The following CHST15 variants were observed in gnomAD, a reference collection of about 807,000 sequenced individuals.
The protein encoded by CHST15 is carbohydrate sulfotransferase 15, also known as B cell RAG associated protein (GALNAC4S-6ST).
Under a neutral mutation model 53.6 loss-of-function variants are expected in CHST15, and 30 were observed. The ratio of observed to expected loss-of-function variants is 0.56; its 90% CI spans 0.42 to 0.76. The LOEUF (loss-of-function observed/expected upper bound fraction) is 0.76, where lower values mean the gene tolerates loss of function less well. Ranked by LOEUF, CHST15 falls within the 30% of genes least tolerant of loss-of-function variation. The probability of loss-of-function intolerance (pLI) is 0.00; values close to 1 mark genes in which losing one functional copy is unlikely to be tolerated. For synonymous variants in CHST15, 296 were observed against 289.8 expected, an observed-to-expected ratio of 1.02 and a Z score of -0.22; for missense variants, 627 against 740.5, an observed-to-expected ratio of 0.85 and a Z score of 1.78.
intron 6 of CHST15, chr10:124,020,633 G>A: frequency 2.0e-6 from 2 of 988,510 alleles, no homozygotes; most frequent in Non-Finnish European, 2.4e-6. Context: ...CAGCGGCAAT[G>A]CTCGCTGCAT....
At chr10:124,035,823 A>T (rs1947474953) in intron 5 of CHST15, among the ~76,000 whole-genome samples, 1 of 152,116 alleles carries the variant, frequency 6.6e-6, no homozygotes, top group Admixed American at 6.5e-5. Context: ...TTCCTTCTGG[A>T]TCTCCCCACT....
chr10:124,082,119 A>G (rs138295787), intron 1 of CHST15, among the ~76,000 whole-genome samples: 3 of 152,258 alleles, frequency 2.0e-5, no homozygotes, highest in African/African-American at 7.2e-5. Flanking sequence ...GATGGGTGAA[A>G]GGAAAACAGG....
chr10:124,056,922 C>T (rs1218377833), intron 1 of CHST15, among the ~76,000 whole-genome samples: 2 of 151,148 alleles, frequency 1.3e-5, no homozygotes, highest in East Asian at 1.9e-4. Context: ...AGCCTGGGCC[C>T]GTACGACCGG....
At position 124,042,360 on chromosome 10, in the gene CHST15, T is replaced by C; in HGVS notation, c.974A>G (p.His325Arg). ...TGCAGAGCTGGCCTGCAGTCCTTGATGGATCTGGTGTGCGGCCAGGTCAAA... is the reference window on the plus strand; with the variant it reads ...TGCAGAGCTGGCCTGCAGTCCTTGACGGATCTGGTGTGCGGCCAGGTCAAA... ...DLFDLAAHQI[H>R]QGLQASSAKE... The change falls in exon 4 of 8, where the codon CAT becomes CGT. Residue 325 changes from histidine to arginine, a missense_variant. By Grantham distance (29) the His-to-Arg change is conservative. Coordinates refer to ENST00000435907, the MANE Select transcript of CHST15 (RefSeq NM_001270764.2). 6.2e-7 allele frequency: 1 copy of C among 1,614,234 alleles called. No individual in the cohort carries two copies. Among genetic ancestry groups the C allele is most frequent in the South Asian group, 1.1e-5 (1 of 91,084 alleles).
intron 1 of CHST15, among the ~76,000 whole-genome samples, chr10:124,077,777 G>A (rs977310895): frequency 1.3e-5 from 2 of 152,146 alleles, no homozygotes; most frequent in Non-Finnish European, 2.9e-5. Context: ...CCATGAGGCC[G>A]AGCCTGAGCA....
In CHST15 at chr10:124,056,943, G is replaced by A. The variant is rs920834458; in HGVS notation, c.-512-10219C>T. ...GGCCCGTACGACCGGACACTCTGAG[G>A]CCCAGGCCTGTACGACCGGACACAC... On this transcript the variant is annotated intron_variant, in intron 1 of 7. Coordinates refer to ENST00000435907, the MANE Select transcript of CHST15 (RefSeq NM_001270764.2). 2.6e-5 allele frequency among the ~76,000 whole-genome samples: 4 copies of A among 151,678 alleles called. No homozygotes were observed. The South Asian group carries it at 6.2e-4, about 24-fold the overall frequency.
Position 124,021,236 on chromosome 10 carries a change from CGGGGGG to C in CHST15, c.1347+14_1347+19del. The C allele has an allele frequency of 7.8e-7, 1 of 1,286,750 alleles. No individual in the cohort carries two copies. The highest frequency in any genetic ancestry group is 1.1e-6 in the Non-Finnish European group (1 of 950,080). 79.7% of individuals were successfully genotyped at this position (1,286,750 alleles called of 1,614,324 possible). A position where few individuals can be genotyped will look rare whatever the true frequency, so the allele number is the denominator to read the frequency against. Reference sequence around the variant, plus strand: ...CTGCCAGGGGCCAGCTCGGGGGGTACGGGGGGGGGGGGTACACACAGGCATGGCGTT... The same window carrying C: ...CTGCCAGGGGCCAGCTCGGGGGGTACGGGGGGTACACACAGGCATGGCGTT... On this transcript the variant is annotated intron_variant, in intron 6 of 7. Transcript: ENST00000435907.
intron 1 of CHST15, among the ~76,000 whole-genome samples, chr10:124,053,249 G>A (rs79272731): frequency 0.034 from 5,231 of 152,246 alleles, 285 homozygotes; most frequent in African/African-American, 0.12. Context: ...CCACCCTTCG[G>A]TTTGAGTTGG....
intron 1 of CHST15, among the ~76,000 whole-genome samples, chr10:124,053,278 C>T (rs1030816252): frequency 6.6e-6 from 1 of 152,136 alleles, no homozygotes; most frequent in African/African-American, 2.4e-5. Flanking sequence ...CTTTGGCCAG[C>T]AGAATGAGGC....
chr10:124,081,614 A>T (rs997806959), intron 1 of CHST15, among the ~76,000 whole-genome samples: 3 of 152,334 alleles, frequency 2.0e-5, no homozygotes, highest in African/African-American at 7.2e-5. Context: ...ATCCATAAGG[A>T]TTTTAACAGA....
At position 124,009,990 on chromosome 10, in the gene CHST15, G is replaced by A. The variant is rs1343690752; in HGVS notation, c.*159C>T. ...CCATTGCTGAGCTCTCGAACATCAC[G>A]AAGGAAATTCCAAAATGGTTATAAT... On this transcript the variant is annotated 3_prime_UTR_variant, in exon 8 of 8. Transcript: ENST00000435907. The A allele has an allele frequency of 2.0e-6, 3 of 1,472,980 alleles. No homozygotes were observed. The highest frequency in any genetic ancestry group is 1.4e-5 in the African/African-American group (1 of 70,938). The allele number at this position is 1,472,980 out of a possible 1,614,324, so 91.2% of individuals were successfully genotyped here.
At chr10:124,027,939 C>A (rs537543653) in intron 5 of CHST15, among the ~76,000 whole-genome samples, 1 of 152,354 alleles carries the variant, frequency 6.6e-6, no homozygotes, top group South Asian at 2.1e-4. Flanking sequence ...TGCTGGCCGT[C>A]TGCACTGATA....
intron 5 of CHST15, among the ~76,000 whole-genome samples, chr10:124,032,639 G>A (rs1947266983): frequency 6.6e-6 from 1 of 152,138 alleles, no homozygotes; most frequent in South Asian, 2.1e-4. Flanking sequence ...CTTGCAATTG[G>A]TGGCTTCTTT....
chr10:124,011,296 A>G (rs1201062174), intron 7 of CHST15: 9 of 800,040 alleles, frequency 1.1e-5, no homozygotes, highest in Middle Eastern at 1.3e-3. Context: ...TGAAACACAG[A>G]ATTGGCCTTA....
In CHST15 at chr10:124,046,033, C is replaced by G. The variant is rs1169280653; in HGVS notation, c.180G>C (p.Val60=). The stretch of plus-strand genomic sequence containing the variant: ...CCCAGTTTTCGTTCCCTTCAGTCCT[C>G]ACTTCGAGAACAGCAAGCAAGTTCA... ...KQMNLLAVLE[V]RTEGNENWGG... The change falls in exon 2 of 8, where the codon GTG becomes GTC. Residue 60 remains valine (V), a synonymous_variant. Transcript: ENST00000435907. 3 of 1,614,122 alleles carry G rather than the reference C, an allele frequency of 1.9e-6. No homozygotes were observed. The African/African-American group carries it at 4.0e-5, about 22-fold the overall frequency.
chr10:124,013,888 C>A (rs1304382793), intron 6 of CHST15, among the ~76,000 whole-genome samples: 1 of 152,194 alleles, frequency 6.6e-6, no homozygotes, highest in Non-Finnish European at 1.5e-5. Context: ...TTTGTTTATG[C>A]CCCATCTACA....
In CHST15 at chr10:124,008,491, C is replaced by T; in HGVS notation, c.*1658G>A. 2 of 993,590 alleles carry T rather than the reference C, an allele frequency of 2.0e-6. No individual in the cohort carries two copies. Among genetic ancestry groups the T allele is most frequent in the Non-Finnish European group, 2.4e-6 (2 of 834,372 alleles). 61.5% of individuals were successfully genotyped at this position (993,590 alleles called of 1,614,324 possible). On this transcript the variant is annotated 3_prime_UTR_variant, in exon 8 of 8. Coordinates refer to ENST00000435907, the MANE Select transcript of CHST15 (RefSeq NM_001270764.2). ...GGCTATAGAGAAGGTGGGGACTGTC[C>T]CTGCAAGTGGGAGTTCAGGACACAC... is the stretch of plus-strand genomic sequence containing the variant.
At chr10:124,042,187 T>C (rs1947764784) in intron 4 of CHST15, 114 bp downstream of exon 4, 20 of 1,093,428 alleles carry the variant, frequency 1.8e-5, no homozygotes, top group Non-Finnish European at 2.6e-5. Context: ...CAAAAGAAGT[T>C]TGCTGCCACC....
chr10:124,034,917 TCATCCCCTAACAGGGACCCTGGCTC>T (rs1947393605), intron 5 of CHST15, among the ~76,000 whole-genome samples: 1 of 110,718 alleles, frequency 9.0e-6, no homozygotes, highest in Non-Finnish European at 1.8e-5. Context: ...TACCCTGGCT[TCATCCCCTAACAGGGACCCTGGCTC>T]CACCCCTAAC....
Sources: gnomAD v4.1 joint callset for allele counts (sites outside exome capture counted in the v4.1 genomes callset) on GRCh38, gnomAD v4.1.1 for gene constraint, MANE v1.5 for transcripts, NCBI Gene and HGNC (gene_info 2026-07-23, HGNC 2026-07-21) for gene names.